The following TMOD2 variants were observed in gnomAD, a reference collection of about 807,000 sequenced individuals.
TMOD2 encodes tropomodulin-2.
TMOD2 carries 22 observed loss-of-function variants against 39.9 expected under a neutral mutation model. The ratio of observed to expected loss-of-function variants is 0.55; its 90% confidence interval spans 0.39 to 0.79. TMOD2 has a LOEUF of 0.79. Among genes scored for constraint, TMOD2 ranks in the 30% least tolerant of loss-of-function variants. The pLI, the probability that TMOD2 is intolerant of heterozygous loss-of-function variation, is 0.00. For missense variants in TMOD2, 386 were observed against 413.3 expected (o/e 0.93, Z 0.57); for synonymous variants, 123 against 146.1 (o/e 0.84, Z 1.14).
intron 8 of TMOD2, among the ~76,000 whole-genome samples, chr15:51,805,308 AT>A (rs1215300378): frequency 3.3e-5 from 5 of 151,804 alleles, no homozygotes; most frequent in African/African-American, 1.2e-4. Context: ...TTATTTTTTC[AT>A]TAGTTTATGT....
intron 1 of TMOD2, among the ~76,000 whole-genome samples, chr15:51,753,083 G>A (rs11638766): frequency 0.48 from 72,753 of 151,838 alleles, 17,714 homozygotes; most frequent in Admixed American, 0.54. Context: ...ACCAGAATGT[G>A]TATACACAGA....
At chr15:51,771,888 G>A (rs906560340) in intron 3 of TMOD2, among the ~76,000 whole-genome samples, 11 of 152,156 alleles carry the variant, frequency 7.2e-5, no homozygotes, top group African/African-American at 2.7e-4. Flanking sequence ...TCTGAGAAAT[G>A]TGGCAGCTAA....
rs551133657 is a variant in TMOD2 at position 51,773,948 on chromosome 15, C to T, written c.406+114C>T. ...CTTAGGTAGGAGAATGACAGGTTGA[C>T]ACAAGGCATTATGGAGCTGTAAGTC... On this transcript the variant is annotated intron_variant, in intron 4 of 9. Transcript: ENST00000249700. 1.1e-5 allele frequency: 13 copies of T among 1,205,012 alleles called. No individual in the cohort carries two copies. In the African/African-American group the frequency reaches 2.0e-4, roughly 18 times the overall value. The allele number at this position is 1,205,012 out of a possible 1,614,324, so 74.6% of individuals were successfully genotyped here. A position where few individuals can be genotyped will look rare whatever the true frequency, so the allele number is the denominator to read the frequency against.
chr15:51,780,369 AT>A (rs1487778857), intron 5 of TMOD2, among the ~76,000 whole-genome samples: 1 of 151,948 alleles, frequency 6.6e-6, no homozygotes, highest in Non-Finnish European at 1.5e-5. Context: ...ATGGTATCTC[AT>A]TTCTTTATTT....
chr15:51,813,505 T>G lies in TMOD2; in HGVS notation c.*5051T>G, dbSNP rs1056336915. On this transcript the variant is annotated 3_prime_UTR_variant, in exon 10 of 10. Transcript: ENST00000249700. Reference sequence around the variant, plus strand: ...AGCACATTGGCCCAGTTAGTTGGTATGGTGAAGGGGCACCGTACTAACAGA... The same window carrying G: ...AGCACATTGGCCCAGTTAGTTGGTAGGGTGAAGGGGCACCGTACTAACAGA... 6.6e-6 allele frequency: 1 copy of G among 152,218 alleles called. No individual in the cohort carries two copies. The allele number at this position is 152,218 out of a possible 1,614,324, so 9.4% of individuals were successfully genotyped here. A position where few individuals can be genotyped will look rare whatever the true frequency, so the allele number is the denominator to read the frequency against.
At chr15:51,799,570 G>A (rs532771441) in intron 8 of TMOD2, among the ~76,000 whole-genome samples, 3 of 152,344 alleles carry the variant, frequency 2.0e-5, no homozygotes, top group East Asian at 3.9e-4. Flanking sequence ...CCTGCCAGAA[G>A]GAATGTGCCA....
intron 1 of TMOD2, among the ~76,000 whole-genome samples, chr15:51,759,935 T>C (rs1747862855): frequency 6.6e-6 from 1 of 152,190 alleles, no homozygotes; most frequent in Non-Finnish European, 1.5e-5. Context: ...TCTTGGGAGA[T>C]GTGACCTTCT....
rs1403658621 is a variant in TMOD2 at position 51,781,095 on chromosome 15, C to T, written c.545C>T (p.Pro182Leu). Residue 182 changes from proline (P) to leucine (L), a missense_variant, in exon 6 of 10, where the codon CCC becomes CTC. Physicochemically the swap from Pro to Leu is moderately conservative, Grantham distance 98. Transcript: ENST00000249700. ...CCAGTATTTGAGGAACCACCAAATC[C>T]CACAAATGTGGAAATAAGCCTGCAG... ...VKPVFEEPPN[P>L]TNVEISLQQM... 5.0e-6 allele frequency: 8 copies of T among 1,611,976 alleles called. No homozygotes were observed. The highest frequency in any genetic ancestry group is 6.8e-6 in the Non-Finnish European group (8 of 1,179,454).
rs765531727 is a variant in TMOD2, at chr15:51,768,432, G to A, written c.283+14G>A. On this transcript the variant is annotated intron_variant, in intron 3 of 9. Coordinates refer to ENST00000249700, the MANE Select transcript of TMOD2 (RefSeq NM_014548.4). ...GAGAAAAGAAAGGTAAGGACCACAG[G>A]CAGAGCATCTTGGAACAGAGGTTCT... The A allele has an allele frequency of 3.4e-5, 55 of 1,610,548 alleles. No individual in the cohort carries two copies. The highest frequency in any genetic ancestry group is 4.3e-5 in the Non-Finnish European group (51 of 1,178,798).
In TMOD2 at chr15:51,751,681, C is replaced by T. The variant is rs2055704150; in HGVS notation, c.-101C>T. ...CCGGGGCTGACGGACTGACGGCCAG[C>T]ACAGCCGGCTCCGGGATGAGCGCAC... On this transcript the variant is annotated 5_prime_UTR_variant, in exon 1 of 10. Transcript: ENST00000249700. 1 of 159,116 alleles carries T rather than the reference C, an allele frequency of 6.3e-6. No homozygotes were observed. The highest frequency in any genetic ancestry group is 1.4e-5 in the Non-Finnish European group (1 of 73,000). The allele number at this position is 159,116 out of a possible 1,614,324, so 9.9% of individuals were successfully genotyped here.
At chr15:51,759,115 G>C (rs1025029948) in intron 1 of TMOD2, among the ~76,000 whole-genome samples, 1 of 152,230 alleles carries the variant, frequency 6.6e-6, no homozygotes, top group African/African-American at 2.4e-5. Context: ...ATGCAGATGA[G>C]TGAAGTGGGT....
chr15:51,755,211 G>C, intron 1 of TMOD2, among the ~76,000 whole-genome samples: 1 of 152,124 alleles, frequency 6.6e-6, no homozygotes, highest in East Asian at 1.9e-4. Context: ...AATGAGATGC[G>C]CTCTTCTGCT....
chr15:51,790,858 CATA>C (rs1031784728), intron 7 of TMOD2, among the ~76,000 whole-genome samples: 37 of 152,206 alleles, frequency 2.4e-4, no homozygotes, highest in African/African-American at 8.9e-4. Flanking sequence ...CGTATCTCAA[CATA>C]ATAAGAGCTG....
chr15:51,760,080 G>A (rs1345069700), intron 1 of TMOD2, among the ~76,000 whole-genome samples: 4 of 152,236 alleles, frequency 2.6e-5, no homozygotes, highest in African/African-American at 9.6e-5. Flanking sequence ...AGCAGCAGGG[G>A]AGTGGATGTG....
At chr15:51,768,232 T>C (rs752861202) in intron 2 of TMOD2, 30 bp from the exon 3 acceptor site, 1 of 1,613,672 alleles carries the variant, frequency 6.2e-7, no homozygotes, top group Non-Finnish European at 8.5e-7. Flanking sequence ...GCAGACATCT[T>C]CCTTCCTGCT....
rs760290202 is a variant in TMOD2, at chr15:51,808,504, C to G, written c.*50C>G. 16 of 1,516,358 alleles carry G rather than the reference C, an allele frequency of 1.1e-5. No homozygotes were observed. The highest frequency in any genetic ancestry group is 1.4e-5 in the Non-Finnish European group (16 of 1,106,890). 93.9% of individuals were successfully genotyped at this position (1,516,358 alleles called of 1,614,324 possible). A position where few individuals can be genotyped will look rare whatever the true frequency, so the allele number is the denominator to read the frequency against. On this transcript the variant is annotated 3_prime_UTR_variant, in exon 10 of 10. Coordinates refer to ENST00000249700, the MANE Select transcript of TMOD2 (RefSeq NM_014548.4). ...TCACTGTGGTATGGCCATTGAAAAA[C>G]AAAAACTCTTCTTCTTCCCCATCAG...
intron 9 of TMOD2, among the ~76,000 whole-genome samples, chr15:51,807,872 T>C (rs1212977937): frequency 6.6e-6 from 1 of 152,228 alleles, no homozygotes; most frequent in Non-Finnish European, 1.5e-5. Context: ...TCTCGGCAAC[T>C]TCTTCGGTTC....
chr15:51,787,894 G>C (rs551291184), intron 7 of TMOD2, among the ~76,000 whole-genome samples: 1 of 152,140 alleles, frequency 6.6e-6, no homozygotes, highest in Non-Finnish European at 1.5e-5. Context: ...CCACAAAGAC[G>C]GGGAGAAACC....
At chr15:51,789,141 C>T (rs142643034) in intron 7 of TMOD2, among the ~76,000 whole-genome samples, 5,469 of 152,068 alleles carry the variant, frequency 0.036, 150 homozygotes, top group South Asian at 0.14. Context: ...CACACATAGG[C>T]TCAAAATAAA....
Sources: allele counts gnomAD v4.1 joint callset (sites outside exome capture counted in the v4.1 genomes callset), GRCh38; gene constraint gnomAD v4.1.1; transcripts MANE v1.5; gene names NCBI Gene and HGNC (gene_info 2026-07-23, HGNC 2026-07-21).